SCEL: variants seen among roughly 807,000 people sequenced by gnomAD.
SCEL encodes sciellin.
A neutral mutation model predicts 117.6 loss-of-function variants in SCEL; 113 were observed. That is an observed-to-expected ratio of 0.96 (90% CI 0.83 to 1.12). The LOEUF (loss-of-function observed/expected upper bound fraction) is 1.12. SCEL is among the 50% of genes most tolerant of loss of function. SCEL has a pLI of 0.00. For synonymous variants in SCEL, 270 were observed against 256.2 expected, an observed-to-expected ratio of 1.05 and a Z score of -0.51; for missense variants, 785 against 810.8, an observed-to-expected ratio of 0.97 and a Z score of 0.39.
chr13:77,550,955 AGAGCTCATGG>A (rs1218792064), intron 1 of SCEL, among the ~76,000 whole-genome samples: 1 of 152,240 alleles, frequency 6.6e-6, no homozygotes, highest in Non-Finnish European at 1.5e-5. Flanking sequence ...GCACTTGACC[AGAGCTCATGG>A]GACTTCCAAG....
intron 13 of SCEL, among the ~76,000 whole-genome samples, chr13:77,597,939 T>C (rs117150861): frequency 0.014 from 2,155 of 152,124 alleles, 35 homozygotes; most frequent in Non-Finnish European, 0.022. Context: ...AAAAACATTT[T>C]ATTATCATAG....
At chr13:77,564,155 G>A (rs977322944) in intron 5 of SCEL, among the ~76,000 whole-genome samples, 12 of 151,196 alleles carry the variant, frequency 7.9e-5, no homozygotes, top group African/African-American at 2.9e-4. Context: ...GTACAGCTAG[G>A]GTGGGTACTG....
At chr13:77,556,899 C>T (rs1051052728) in intron 3 of SCEL, among the ~76,000 whole-genome samples, 186 bp downstream of exon 3, 3 of 152,128 alleles carry the variant, frequency 2.0e-5, no homozygotes, top group African/African-American at 7.2e-5. Context: ...AATATTTCTG[C>T]CATTTTAAAT....
chr13:77,548,626 C>A (rs1210979746), intron 1 of SCEL, among the ~76,000 whole-genome samples: 1 of 152,192 alleles, frequency 6.6e-6, no homozygotes, highest in Non-Finnish European at 1.5e-5. Flanking sequence ...AGAATTCCCA[C>A]GTGTCGTGGG....
At chr13:77,598,161 A>C (rs2087373765) in intron 13 of SCEL, among the ~76,000 whole-genome samples, 1 of 152,078 alleles carries the variant, frequency 6.6e-6, no homozygotes. Context: ...GGGTCTCACT[A>C]TGTTGCCCAG....
chr13:77,591,817 A>T (rs1199795469), intron 11 of SCEL, among the ~76,000 whole-genome samples: 1 of 152,144 alleles, frequency 6.6e-6, no homozygotes, highest in Non-Finnish European at 1.5e-5. Flanking sequence ...TGTTCAGTTG[A>T]ACTTGTGTTA....
chr13:77,588,197 T>C (rs9544545), intron 9 of SCEL, among the ~76,000 whole-genome samples: 17,330 of 152,208 alleles, frequency 0.11, 1,304 homozygotes, highest in South Asian at 0.2. Context: ...AAGCTACCAA[T>C]AAATGTTTGT....
At chr13:77,552,780 C>T (rs1383528891) in intron 1 of SCEL, among the ~76,000 whole-genome samples, 1 of 152,084 alleles carries the variant, frequency 6.6e-6, no homozygotes, top group African/African-American at 2.4e-5. Flanking sequence ...ATGCCTATGT[C>T]CTGAATGGTA....
At chr13:77,548,035 C>T (rs2084090951) in intron 1 of SCEL, among the ~76,000 whole-genome samples, 2 of 152,310 alleles carry the variant, frequency 1.3e-5, no homozygotes, top group South Asian at 4.1e-4. Flanking sequence ...TGGTATTCTA[C>T]CCATATCCCA....
At chr13:77,607,218 A>T (rs1265908158) in intron 19 of SCEL, among the ~76,000 whole-genome samples, 4 of 148,606 alleles carry the variant, frequency 2.7e-5, no homozygotes, top group Non-Finnish European at 6.0e-5. Context: ...CAGGCTAATT[A>T]AAAAAAAAAG....
At position 77,645,161 on chromosome 13, in the gene SCEL, A is replaced by G. The variant is rs1466369982; in HGVS notation, c.*887A>G. Reference sequence around the variant, plus strand: ...AATCCATTAGAAGTAATGGTTATGGACTAAAAAGATATGTTCTTTAGTATG... The same window carrying G: ...AATCCATTAGAAGTAATGGTTATGGGCTAAAAAGATATGTTCTTTAGTATG... On this transcript the variant is annotated 3_prime_UTR_variant, in exon 33 of 33. Coordinates refer to ENST00000349847, the MANE Select transcript of SCEL (RefSeq NM_144777.3). 1 of 152,098 alleles carries G rather than the reference A, an allele frequency of 6.6e-6. No homozygotes were observed. Among genetic ancestry groups the G allele is most frequent in the Non-Finnish European group, 1.5e-5 (1 of 67,988 alleles). 9.4% of individuals were successfully genotyped at this position (152,098 alleles called of 1,614,324 possible). A position where few individuals can be genotyped will look rare whatever the true frequency, so the allele number is the denominator to read the frequency against.
At chr13:77,538,620 C>T (rs146067128) in intron 1 of SCEL, among the ~76,000 whole-genome samples, 7 of 152,276 alleles carry the variant, frequency 4.6e-5, no homozygotes, top group Middle Eastern at 6.8e-3. Flanking sequence ...GGACATGAGT[C>T]ATCCTTTTAT....
At chr13:77,594,206 T>G (rs1335197994) in intron 12 of SCEL, among the ~76,000 whole-genome samples, 1 of 152,210 alleles carries the variant, frequency 6.6e-6, no homozygotes, top group Non-Finnish European at 1.5e-5. Flanking sequence ...AATGCCATAA[T>G]TTTTCCAAAG....
rs370184998 is a variant in SCEL, at chr13:77,563,943, A to G, written c.290+44A>G. The stretch of plus-strand genomic sequence containing the variant: ...ATATAAATGGAATGCATAACATATT[A>G]AATACATTTTCTAATAAAGTTATGA... On this transcript the variant is annotated intron_variant, in intron 5 of 32. Transcript: ENST00000349847. The G allele has an allele frequency of 5.6e-6, 7 of 1,256,746 alleles. No homozygotes were observed. In the African/African-American group the frequency reaches 1.1e-4, roughly 20 times the overall value. 77.8% of individuals were successfully genotyped at this position (1,256,746 alleles called of 1,614,324 possible).
rs1025229896 is a variant in SCEL, at chr13:77,544,319, A to G, written c.-20+8495A>G. On this transcript the variant is annotated intron_variant, in intron 1 of 32. Transcript: ENST00000349847. ...TCCTCTATGAGCCCTTCTTTAACCA[A>G]TTTTAGTTTCTTTGTTCACACAATC... 7.2e-5 allele frequency among the ~76,000 whole-genome samples: 11 copies of G among 151,868 alleles called. 1 individual carries two copies. The East Asian group carries it at 2.1e-3, about 29-fold the overall frequency.
At chr13:77,552,200 G>C (rs1468033242) in intron 1 of SCEL, among the ~76,000 whole-genome samples, 3 of 150,720 alleles carry the variant, frequency 2.0e-5, no homozygotes, top group Non-Finnish European at 4.4e-5. Context: ...AGTCCTTTGG[G>C]TATATACCCA....
At chr13:77,560,383 G>T (rs1287208823) in intron 4 of SCEL, among the ~76,000 whole-genome samples, 1 of 152,090 alleles carries the variant, frequency 6.6e-6, no homozygotes, top group Non-Finnish European at 1.5e-5. Flanking sequence ...GGCTGGAGTG[G>T]GCAGTGATGC....
chr13:77,644,346 A>G lies in SCEL; in HGVS notation c.*72A>G, dbSNP rs1312992692. ...AAGTTACAAGTTTTATCTTAATAAT[A>G]TGTAATCTAGAAAAGCTTTCACATT... is the stretch of plus-strand genomic sequence containing the variant. On this transcript the variant is annotated 3_prime_UTR_variant, in exon 33 of 33. Transcript: ENST00000349847. The G allele has an allele frequency of 2.7e-6, 4 of 1,461,604 alleles. No individual in the cohort carries two copies. The highest frequency in any genetic ancestry group is 2.3e-5 in the East Asian group (1 of 43,886). 90.5% of individuals were successfully genotyped at this position (1,461,604 alleles called of 1,614,324 possible). A position where few individuals can be genotyped will look rare whatever the true frequency, so the allele number is the denominator to read the frequency against.
chr13:77,583,808 C>T (rs1473517383), intron 9 of SCEL, among the ~76,000 whole-genome samples: 1 of 152,178 alleles, frequency 6.6e-6, no homozygotes, highest in Non-Finnish European at 1.5e-5. Flanking sequence ...CACAGCCAGA[C>T]TCAAACAGAA....
Sources: gnomAD v4.1 joint callset for allele counts (sites outside exome capture counted in the v4.1 genomes callset) on GRCh38, gnomAD v4.1.1 for gene constraint, MANE v1.5 for transcripts, NCBI Gene and HGNC (gene_info 2026-07-23, HGNC 2026-07-21) for gene names.